AQR: variants seen among roughly 807,000 people sequenced by gnomAD.
AQR encodes aquarius intron-binding spliceosomal factor, also known as RNA helicase aquarius.
AQR carries 61 observed loss-of-function variants against 180.5 expected under a neutral mutation model. That is an observed-to-expected ratio of 0.34 (90% CI 0.28 to 0.42). The LOEUF (loss-of-function observed/expected upper bound fraction) is 0.42. AQR is among the 10% of genes least tolerant of loss of function. AQR has a pLI of 1.00. For synonymous variants in AQR, 551 were observed against 588.8 expected (o/e 0.94, Z 0.93); for missense variants, 1,281 against 1,798.3 (o/e 0.71, Z 5.20).
At chr15:34,930,424 C>T in intron 11 of AQR, 53 bp from the exon 12 acceptor site, 1 of 1,013,096 alleles carries the variant, frequency 9.9e-7, no homozygotes, top group Non-Finnish European at 1.5e-6. Flanking sequence ...GGCAAGAAAG[C>T]ACAATACTGT....
chr15:34,935,585 A>C lies in AQR; in HGVS notation c.719-950T>G, dbSNP rs184302146. 1.1e-4 allele frequency among the ~76,000 whole-genome samples: 16 copies of C among 152,338 alleles called. 1 individual carries two copies. Among genetic ancestry groups the C allele is most frequent in the Admixed American group, 4.6e-4 (7 of 15,304 alleles). On this transcript the variant is annotated intron_variant, in intron 9 of 34. Coordinates refer to ENST00000156471, the MANE Select transcript of AQR (RefSeq NM_014691.3). Reference sequence around the variant, plus strand: ...GAATACTTTTGTGATTAATATATACAGAAATGTTAACTGGAACTTTTTCAG... The same window carrying C: ...GAATACTTTTGTGATTAATATATACCGAAATGTTAACTGGAACTTTTTCAG...
intron 4 of AQR, among the ~76,000 whole-genome samples, chr15:34,948,935 C>T (rs919683652): frequency 1.3e-5 from 2 of 152,020 alleles, no homozygotes; most frequent in South Asian, 2.1e-4. Context: ...AGGTATCAAA[C>T]GTTGCCAACA....
At chr15:34,960,636 G>A (rs904758940) in intron 3 of AQR, 138 bp downstream of exon 3, 12 of 485,354 alleles carry the variant, frequency 2.5e-5, no homozygotes, top group Middle Eastern at 2.9e-4. Context: ...AGCACCTAAA[G>A]TTTTTCTAGT....
chr15:34,858,140 T>C lies in AQR; in HGVS notation c.4144-1034A>G, dbSNP rs146028841. 1.7e-3 allele frequency among the ~76,000 whole-genome samples: 251 copies of C among 151,914 alleles called. 2 individuals are homozygous for C. Among genetic ancestry groups the C allele is most frequent in the African/African-American group, 5.0e-3 (209 of 41,450 alleles). ...CTGGGATTACAGACATGTACCACCA[T>C]GCCTGGCTAATTTTTGTATTTTTAG... is the stretch of plus-strand genomic sequence containing the variant. On this transcript the variant is annotated intron_variant, in intron 34 of 34. Transcript: ENST00000156471.
intron 1 of AQR, among the ~76,000 whole-genome samples, chr15:34,964,828 A>G (rs899740799): frequency 5.3e-5 from 8 of 152,226 alleles, no homozygotes; most frequent in Non-Finnish European, 8.8e-5. Flanking sequence ...ATATTTCAGC[A>G]GATTAGGCTT....
chr15:34,934,472 AAAG>A (rs1248609902), intron 10 of AQR, 96 bp downstream of exon 10: 1 of 641,540 alleles, frequency 1.6e-6, no homozygotes, highest in African/African-American at 2.0e-5. Context: ...TATGTATTGA[AAAG>A]AAAAGGAAAG....
intron 11 of AQR, among the ~76,000 whole-genome samples, 181 bp downstream of exon 11, chr15:34,932,137 C>T (rs1893874337): frequency 1.3e-5 from 2 of 152,068 alleles, no homozygotes. Context: ...ACATAATTAA[C>T]AAAAAGTTAT....
chr15:34,900,041 C>A (rs753431275), intron 20 of AQR, among the ~76,000 whole-genome samples: 2 of 151,958 alleles, frequency 1.3e-5, no homozygotes, highest in African/African-American at 2.4e-5. Flanking sequence ...TACAGGTGTG[C>A]GCCACCATGC....
intron 13 of AQR, among the ~76,000 whole-genome samples, chr15:34,926,723 G>C (rs914259591): frequency 6.6e-6 from 1 of 152,092 alleles, no homozygotes; most frequent in African/African-American, 2.4e-5. Flanking sequence ...CACACATAAT[G>C]AATCTTTATT....
chr15:34,900,741 C>G lies in AQR; in HGVS notation c.2124G>C (p.Gln708His), dbSNP rs930874430. 6.2e-7 allele frequency: 1 copy of G among 1,614,176 alleles called. No homozygotes were observed. The highest frequency in any genetic ancestry group is 8.5e-7 in the Non-Finnish European group (1 of 1,180,020). ...SSAHYSKMPN[Q>H]IATLDFNDTF... ...TATCATTGAAATCAAGGGTGGCAATCTGATTGGGCATTTTCGAATAATGTG... is the reference window on the plus strand; with the variant it reads ...TATCATTGAAATCAAGGGTGGCAATGTGATTGGGCATTTTCGAATAATGTG... Residue 708 changes from glutamine (Q) to histidine (H), a missense_variant, in exon 20 of 35, where the codon CAG becomes CAC. By Grantham distance (24) the Gln-to-His change is conservative (BLOSUM62 0). This residue lies in a region of AQR where 28 missense variants were observed against 75.3 expected (regional missense o/e 0.37). Coordinates refer to ENST00000156471, the MANE Select transcript of AQR (RefSeq NM_014691.3).
At chr15:34,951,355 AACTG>A (rs770830933) in intron 4 of AQR, among the ~76,000 whole-genome samples, 33 of 152,348 alleles carry the variant, frequency 2.2e-4, no homozygotes, top group Non-Finnish European at 3.1e-4. Context: ...GAAAGGTAAC[AACTG>A]ACTTTTTCAG....
rs1893027456 is a variant in AQR at position 34,884,553 on chromosome 15, T to C, written c.2999A>G (p.His1000Arg). 6.3e-7 allele frequency: 1 copy of C among 1,599,504 alleles called. No individual in the cohort carries two copies. Among genetic ancestry groups the C allele is most frequent in the Non-Finnish European group, 8.5e-7 (1 of 1,175,896 alleles). ...DMEIAEGCFR[H>R]IKKIFTQLEE... Reference sequence around the variant, plus strand: ...AAGCTGCGTAAAGATTTTCTTAATATGCCTGAAACATCCTTCAGCAATTTC... The same window carrying C: ...AAGCTGCGTAAAGATTTTCTTAATACGCCTGAAACATCCTTCAGCAATTTC... The change falls in exon 26 of 35, where the codon CAT becomes CGT. Residue 1000 changes from histidine to arginine, a missense_variant. Around this residue, in one of 9 missense-constraint regions of AQR, gnomAD observed 125 missense variants for 185.0 expected, o/e 0.68. Coordinates refer to ENST00000156471, the MANE Select transcript of AQR (RefSeq NM_014691.3).
chr15:34,954,772 T>C (rs2140504860), intron 3 of AQR, among the ~76,000 whole-genome samples: 1 of 152,150 alleles, frequency 6.6e-6, no homozygotes, highest in African/African-American at 2.4e-5. Flanking sequence ...AAAGTGTACT[T>C]GTAAGATTAA....
intron 24 of AQR, among the ~76,000 whole-genome samples, chr15:34,889,400 T>C (rs996959372): frequency 2.0e-5 from 3 of 152,236 alleles, no homozygotes; most frequent in African/African-American, 4.8e-5. Context: ...TCATGTTTAA[T>C]AGCCAAAGGC....
chr15:34,908,433 C>G (rs376772118), intron 17 of AQR, among the ~76,000 whole-genome samples: 26 of 149,534 alleles, frequency 1.7e-4, no homozygotes, highest in African/African-American at 5.9e-4. Flanking sequence ...GAGACTCCGT[C>G]TAAAAAAAAA....
At chr15:34,874,905 T>A in intron 28 of AQR, 41 bp from the exon 29 acceptor site, 1 of 1,546,564 alleles carries the variant, frequency 6.5e-7, no homozygotes, top group Middle Eastern at 1.7e-4. Flanking sequence ...TACTCTATTA[T>A]CCTCTTGTCT....
At chr15:34,912,146 C>T (rs1274170705) in intron 16 of AQR, among the ~76,000 whole-genome samples, 1 of 152,030 alleles carries the variant, frequency 6.6e-6, no homozygotes, top group Non-Finnish European at 1.5e-5. Context: ...TGTTTTTATG[C>T]CAGTAACATA....
chr15:34,856,831 T>C lies in AQR; in HGVS notation c.4419A>G (p.Thr1473=). The part of the protein sequence containing the change: ...GAVSAPAEAN[T]PQDATSAPEE... Reference sequence around the variant, plus strand: ...CCGGGGCAGATGTGGCATCCTGAGGTGTGTTAGCTTCTGCCGGTGCAGATA... The same window carrying C: ...CCGGGGCAGATGTGGCATCCTGAGGCGTGTTAGCTTCTGCCGGTGCAGATA... Residue 1473 remains threonine (T), a synonymous_variant, in exon 35 of 35, where the codon ACA becomes ACG. Transcript: ENST00000156471. 1 of 1,592,142 alleles carries C rather than the reference T, an allele frequency of 6.3e-7. No individual in the cohort carries two copies. The highest frequency in any genetic ancestry group is 8.6e-7 in the Non-Finnish European group (1 of 1,168,862).
At chr15:34,863,197 G>A (rs1011616587) in intron 32 of AQR, 156 bp from the exon 33 acceptor site, 19 of 670,018 alleles carry the variant, frequency 2.8e-5, no homozygotes, top group East Asian at 2.8e-4. Context: ...TCAATGTTAC[G>A]TGACTAATAA....
Sources: allele counts gnomAD v4.1 joint callset (sites outside exome capture counted in the v4.1 genomes callset), GRCh38; gene constraint gnomAD v4.1.1; regional missense constraint gnomAD v4.1.1; transcripts MANE v1.5; gene names NCBI Gene and HGNC (gene_info 2026-07-23, HGNC 2026-07-21).